Variants in ATRNL1 observed in about 807,000 individuals in gnomAD.
ATRNL1 encodes the protein attractin-like protein 1.
Under a neutral mutation model 182.7 loss-of-function variants are expected in ATRNL1, and 95 were observed. That is an observed-to-expected ratio of 0.52 (90% CI 0.44 to 0.62). The LOEUF is 0.62. Among genes scored for constraint, ATRNL1 ranks in the 20% least tolerant of loss-of-function variants. The probability of loss-of-function intolerance (pLI) is 0.00; values close to 1 mark genes in which losing one functional copy is unlikely to be tolerated. For synonymous variants in ATRNL1, 576 were observed against 568.3 expected (o/e 1.01, Z -0.19); for missense variants, 1,471 against 1,679.5 (o/e 0.88, Z 2.17).
chr10:115,602,101 C>G (rs1164854799), intron 26 of ATRNL1, among the ~76,000 whole-genome samples: 1 of 152,078 alleles, frequency 6.6e-6, no homozygotes, highest in Non-Finnish European at 1.5e-5. Context: ...CGCCTGTAAC[C>G]CTAGCACTTT....
chr10:115,572,460 A>G (rs781989569), intron 26 of ATRNL1, among the ~76,000 whole-genome samples: 2 of 152,196 alleles, frequency 1.3e-5, no homozygotes, highest in Non-Finnish European at 2.9e-5. Flanking sequence ...TTCTCACTCT[A>G]CAATCTAGGG....
intron 17 of ATRNL1, among the ~76,000 whole-genome samples, chr10:115,314,345 G>A (rs1384185612): frequency 1.3e-5 from 2 of 152,066 alleles, no homozygotes. Context: ...CAGAGTCAAC[G>A]ATATCAAGTT....
chr10:115,744,307 G>T (rs1269541993), intron 27 of ATRNL1, among the ~76,000 whole-genome samples: 1 of 152,016 alleles, frequency 6.6e-6, no homozygotes, highest in Non-Finnish European at 1.5e-5. Context: ...AATGTACAGT[G>T]CTCTATACTA....
intron 19 of ATRNL1, among the ~76,000 whole-genome samples, chr10:115,386,675 T>A (rs1554952721): frequency 1.3e-5 from 2 of 151,946 alleles, no homozygotes; most frequent in African/African-American, 4.8e-5. Context: ...TATTTTATTA[T>A]TATTATACTT....
chr10:115,917,157 A>G (rs1010338772), intron 28 of ATRNL1, among the ~76,000 whole-genome samples: 13 of 152,074 alleles, frequency 8.5e-5, no homozygotes, highest in African/African-American at 3.1e-4. Context: ...CACTCTCTGG[A>G]TCCTGACTTT....
intron 15 of ATRNL1, among the ~76,000 whole-genome samples, chr10:115,291,350 T>C (rs1484888303): frequency 2.6e-5 from 4 of 152,200 alleles, no homozygotes; most frequent in Non-Finnish European, 4.4e-5. Flanking sequence ...AGTGCTGTGT[T>C]AAATAATTGT....
chr10:115,737,274 C>T (rs1288606390), intron 27 of ATRNL1, among the ~76,000 whole-genome samples: 5 of 150,112 alleles, frequency 3.3e-5, no homozygotes, highest in Non-Finnish European at 7.4e-5. Context: ...AAACATCCCC[C>T]CCCCCCAAAA....
At chr10:115,670,460 T>C (rs188032471) in intron 26 of ATRNL1, among the ~76,000 whole-genome samples, 5 of 152,164 alleles carry the variant, frequency 3.3e-5, no homozygotes, top group Non-Finnish European at 5.9e-5. Context: ...TTATATATAA[T>C]GTATTCTACA....
chr10:115,459,466 C>T (rs968199318), intron 21 of ATRNL1, among the ~76,000 whole-genome samples: 4 of 152,128 alleles, frequency 2.6e-5, no homozygotes, highest in Non-Finnish European at 5.9e-5. Flanking sequence ...GCGTACCTGT[C>T]TCTTATGGTT....
chr10:115,450,906 T>C (rs1350885729), intron 21 of ATRNL1, among the ~76,000 whole-genome samples: 2 of 152,156 alleles, frequency 1.3e-5, no homozygotes, highest in African/African-American at 4.8e-5. Flanking sequence ...CAAAACAGCA[T>C]GATACTGGTA....
intron 26 of ATRNL1, among the ~76,000 whole-genome samples, chr10:115,622,664 C>A (rs1165760203): frequency 1.5e-5 from 2 of 134,090 alleles, no homozygotes; most frequent in South Asian, 2.5e-4. Context: ...CGGTGGCTCA[C>A]GCCTTGTAAT....
chr10:115,783,658 G>A (rs1268840424), intron 27 of ATRNL1, among the ~76,000 whole-genome samples: 1 of 152,112 alleles, frequency 6.6e-6, no homozygotes, highest in Non-Finnish European at 1.5e-5. Context: ...TTTGATTCTT[G>A]TAAGTGAATT....
intron 28 of ATRNL1, among the ~76,000 whole-genome samples, chr10:115,883,232 G>A (rs1483737684): frequency 1.3e-5 from 2 of 152,156 alleles, no homozygotes; most frequent in African/African-American, 4.8e-5. Context: ...CTCCAATGGA[G>A]AATAAGTTAT....
intron 8 of ATRNL1, among the ~76,000 whole-genome samples, chr10:115,200,902 T>G (rs1848546781): frequency 6.6e-6 from 1 of 150,596 alleles, no homozygotes; most frequent in Non-Finnish European, 1.5e-5. Context: ...GTTTTCTGAC[T>G]TTTTAATGAT....
intron 27 of ATRNL1, among the ~76,000 whole-genome samples, chr10:115,803,696 A>T (rs540713787): frequency 6.6e-6 from 1 of 152,152 alleles, no homozygotes; most frequent in East Asian, 1.9e-4. Context: ...AATTCTCACT[A>T]TAGGCCATTT....
intron 26 of ATRNL1, among the ~76,000 whole-genome samples, chr10:115,631,525 C>T (rs1429366996): frequency 6.6e-6 from 1 of 152,078 alleles, no homozygotes; most frequent in African/African-American, 2.4e-5. Context: ...CATCAATCCT[C>T]TTAGGAAGAT....
intron 24 of ATRNL1, among the ~76,000 whole-genome samples, chr10:115,485,714 T>C (rs1403903246): frequency 6.6e-6 from 1 of 152,142 alleles, no homozygotes; most frequent in Non-Finnish European, 1.5e-5. Context: ...ATTATTTGAA[T>C]CTTCTAGTGT....
chr10:115,301,470 C>G (rs1853463915), intron 16 of ATRNL1, among the ~76,000 whole-genome samples: 1 of 152,062 alleles, frequency 6.6e-6, no homozygotes, highest in Non-Finnish European at 1.5e-5. Context: ...ATATCAAAGA[C>G]ATGTTCACTT....
Position 115,160,062 on chromosome 10 carries a change from T to C in ATRNL1, c.852T>C (p.Val284=). ...TAGGTCCTGATTGTTCTTTGAATGTTCCCTCTACTGAGTCTTACTGGATTC... is the reference window on the plus strand; with the variant it reads ...TAGGTCCTGATTGTTCTTTGAATGTCCCCTCTACTGAGTCTTACTGGATTC... ...SWQGPDCSLN[V]PSTESYWILP... is the part of the protein sequence containing the mutation. The change falls in exon 6 of 29, where the codon GTT becomes GTC. Residue 284 remains valine (V), a synonymous_variant. Coordinates refer to ENST00000355044, the MANE Select transcript of ATRNL1 (RefSeq NM_207303.4). 2 of 1,609,656 alleles carry C rather than the reference T, an allele frequency of 1.2e-6. No homozygotes were observed. Among genetic ancestry groups the C allele is most frequent in the Non-Finnish European group, 8.5e-7 (1 of 1,177,808 alleles).
Sources: gnomAD v4.1 joint callset for allele counts (sites outside exome capture counted in the v4.1 genomes callset) on GRCh38, gnomAD v4.1.1 for gene constraint, MANE v1.5 for transcripts, NCBI Gene and HGNC (gene_info 2026-07-23, HGNC 2026-07-21) for gene names.